The following TFCP2 variants were observed in gnomAD, a reference collection of about 807,000 sequenced individuals.
TFCP2 encodes the protein alpha-globin transcription factor CP2.
TFCP2 carries 33 observed loss-of-function variants against 73.4 expected under a neutral mutation model. The observed-to-expected ratio is 0.45, with a 90% CI of 0.34 to 0.60. The LOEUF is 0.60. Ranked by LOEUF, TFCP2 falls within the 20% of genes least tolerant of loss-of-function variation. The pLI is 0.01. For missense variants in TFCP2, 352 were observed against 604.0 expected (o/e 0.58, Z 4.37); for synonymous variants, 193 against 211.6 (o/e 0.91, Z 0.76).
chr12:51,107,027 T>C lies in TFCP2; in HGVS notation c.828+209A>G, dbSNP rs878935404. ...CAAACCAAACCAAACCAGAGTAATTTGGGGAAAGATAACTTGGACACAGAG... is the reference window on the plus strand; with the variant it reads ...CAAACCAAACCAAACCAGAGTAATTCGGGGAAAGATAACTTGGACACAGAG... On this transcript the variant is annotated intron_variant, in intron 7 of 14. Transcript: ENST00000257915. 21 of 600,288 alleles carry C rather than the reference T, an allele frequency of 3.5e-5. No homozygotes were observed. The Admixed American group carries it at 3.9e-4, about 11-fold the overall frequency. 37.2% of individuals were successfully genotyped at this position (600,288 alleles called of 1,614,324 possible).
chr12:51,138,658 C>T (rs1220985401), intron 1 of TFCP2, among the ~76,000 whole-genome samples: 1 of 152,036 alleles, frequency 6.6e-6, no homozygotes, highest in South Asian at 2.1e-4. Flanking sequence ...CGCTCTGTTG[C>T]CCAGGCTGGA....
chr12:51,098,970 C>T (rs1374446198), intron 12 of TFCP2, 52 bp from the exon 13 acceptor site: 1 of 1,588,952 alleles, frequency 6.3e-7, no homozygotes, highest in Admixed American at 1.7e-5. Flanking sequence ...TCCACTCTTA[C>T]AGGTAACTTG....
intron 13 of TFCP2, among the ~76,000 whole-genome samples, chr12:51,097,213 G>A (rs868345620): frequency 3.9e-5 from 6 of 152,048 alleles, no homozygotes; most frequent in Non-Finnish European, 4.4e-5. Context: ...GCCTCCCAAA[G>A]TGCTGGGATT....
chr12:51,131,227 A>G (rs534999560), intron 1 of TFCP2, among the ~76,000 whole-genome samples: 5 of 147,788 alleles, frequency 3.4e-5, no homozygotes, highest in African/African-American at 1.2e-4. Context: ...CCCAGCTACT[A>G]GGGAGACTGA....
chr12:51,109,554 A>G (rs1940342032), intron 5 of TFCP2, among the ~76,000 whole-genome samples: 1 of 152,200 alleles, frequency 6.6e-6, no homozygotes, highest in Admixed American at 6.5e-5. Flanking sequence ...AGAGCTAGCA[A>G]AAGAGAAATG....
At chr12:51,149,956 A>C (rs1941387871) in intron 1 of TFCP2, among the ~76,000 whole-genome samples, 2 of 152,208 alleles carry the variant, frequency 1.3e-5, no homozygotes, top group Admixed American at 6.5e-5. Context: ...GTAACAAATG[A>C]CTGTGTACAC....
intron 1 of TFCP2, among the ~76,000 whole-genome samples, chr12:51,138,701 T>A (rs1941119591): frequency 6.6e-6 from 1 of 152,004 alleles, no homozygotes; most frequent in African/African-American, 2.4e-5. Context: ...TGCAATGGCA[T>A]GATCTTGGCT....
chr12:51,099,605 A>C, intron 12 of TFCP2, 50 bp downstream of exon 12: 2 of 1,597,264 alleles, frequency 1.3e-6, no homozygotes, highest in African/African-American at 1.3e-5. Context: ...CCCATAAGTT[A>C]TCTCTTCACC....
Position 51,099,713 on chromosome 12 carries a change from T to C in TFCP2, c.1218A>G (p.Gln406=), listed in dbSNP as rs768385328. 6.2e-7 allele frequency: 1 copy of C among 1,614,180 alleles called. No individual in the cohort carries two copies. Among genetic ancestry groups the C allele is most frequent in the South Asian group, 1.1e-5 (1 of 91,074 alleles). Residue 406 remains glutamine (Q), a synonymous_variant, in exon 12 of 15, where the codon CAA becomes CAG. Transcript: ENST00000257915. ...QESLQLREQQ[Q]QQQQQQQKHE... is the part of the protein sequence containing the mutation. ...GCTTCTGCTGCTGTTGCTGCTGCTG[T>C]TGTTGCTGCTCCCTCAACTGCAGTG...
chr12:51,125,806 A>G (rs1008168001), intron 1 of TFCP2, among the ~76,000 whole-genome samples: 1 of 152,220 alleles, frequency 6.6e-6, no homozygotes, highest in Non-Finnish European at 1.5e-5. Context: ...ATAAAGATAC[A>G]GAAATCACAG....
At chr12:51,159,754 C>G (rs1294102140) in intron 1 of TFCP2, among the ~76,000 whole-genome samples, 5 of 152,120 alleles carry the variant, frequency 3.3e-5, no homozygotes, top group African/African-American at 1.2e-4. Flanking sequence ...TCCCAAAGTC[C>G]TGGGGACCAG....
chr12:51,098,665 G>T, intron 13 of TFCP2, 111 bp downstream of exon 13: 1 of 1,248,010 alleles, frequency 8.0e-7, no homozygotes, highest in Non-Finnish European at 1.1e-6. Flanking sequence ...AAAAAAGTAT[G>T]AAACCCTCTG....
intron 1 of TFCP2, among the ~76,000 whole-genome samples, chr12:51,166,027 G>C (rs1387973415): frequency 1.4e-5 from 2 of 147,710 alleles, no homozygotes; most frequent in East Asian, 4.1e-4. Flanking sequence ...AACAAACAAA[G>C]AAGTTGGCCA....
chr12:51,097,944 A>C (rs1040500588), intron 13 of TFCP2, among the ~76,000 whole-genome samples: 2 of 150,538 alleles, frequency 1.3e-5, no homozygotes, highest in East Asian at 3.9e-4. Flanking sequence ...TGAACCTAGG[A>C]GGCGGGGTTG....
At position 51,095,205 on chromosome 12, in the gene TFCP2, G is replaced by C; in HGVS notation, c.*36C>G. On this transcript the variant is annotated 3_prime_UTR_variant, in exon 15 of 15. Transcript: ENST00000257915. ...CAAGAGGGCCGTTTTCAGAGGTGAA[G>C]GAAGGAGCAGCCACTGGGCACGAAA... is the stretch of plus-strand genomic sequence containing the variant. 6.2e-7 allele frequency: 1 copy of C among 1,612,132 alleles called. No individual in the cohort carries two copies. The highest frequency in any genetic ancestry group is 8.5e-7 in the Non-Finnish European group (1 of 1,178,242).
chr12:51,152,818 T>C (rs1941456866), intron 1 of TFCP2, among the ~76,000 whole-genome samples: 2 of 152,208 alleles, frequency 1.3e-5, no homozygotes, highest in African/African-American at 4.8e-5. Context: ...ATAACAAAAT[T>C]TACTATCTTA....
chr12:51,146,177 G>A (rs1941294992), intron 1 of TFCP2, among the ~76,000 whole-genome samples: 1 of 151,844 alleles, frequency 6.6e-6, no homozygotes, highest in Non-Finnish European at 1.5e-5. Flanking sequence ...ATGGTGGCAT[G>A]CTCAGCTGTT....
At chr12:51,103,292 G>GA (rs377309708) in intron 10 of TFCP2, among the ~76,000 whole-genome samples, 2 of 148,292 alleles carry the variant, frequency 1.3e-5, no homozygotes, top group African/African-American at 4.9e-5. Flanking sequence ...CAAAGAAAAA[G>GA]AAAAAAAAAG....
At chr12:51,109,916 G>A (rs1216461309) in intron 5 of TFCP2, among the ~76,000 whole-genome samples, 4 of 151,730 alleles carry the variant, frequency 2.6e-5, no homozygotes, top group African/African-American at 7.3e-5. Context: ...ACAGGTTTTC[G>A]CCATGTTGGC....
Sources: gnomAD v4.1 joint callset for allele counts (sites outside exome capture counted in the v4.1 genomes callset) on GRCh38, gnomAD v4.1.1 for gene constraint, MANE v1.5 for transcripts, NCBI Gene and HGNC (gene_info 2026-07-23, HGNC 2026-07-21) for gene names.